The following ELP1 variants were observed in gnomAD, a reference collection of about 807,000 sequenced individuals.
ELP1 encodes the protein elongator acetyltransferase complex subunit 1, also known as elongator complex protein 1.
In ELP1, 131 loss-of-function variants were observed where a neutral mutation model predicts 183.2. That is an observed-to-expected ratio of 0.72 (90% CI 0.62 to 0.83). The LOEUF is 0.83. ELP1 is among the 40% of genes least tolerant of loss of function. ELP1 has a pLI of 0.00. For missense variants in ELP1, 1,550 were observed against 1,594.9 expected (o/e 0.97, Z 0.48); for synonymous variants, 555 against 569.0 (o/e 0.98, Z 0.35).
chr9:108,876,233 C>T (rs1379616427), intron 35 of ELP1, among the ~76,000 whole-genome samples: 1 of 152,164 alleles, frequency 6.6e-6, no homozygotes, highest in African/African-American at 2.4e-5. Context: ...GCGGTGATCA[C>T]TGCACTCCAG....
At chr9:108,923,404 T>C (rs1381178893) in intron 5 of ELP1, among the ~76,000 whole-genome samples, 1 of 152,176 alleles carries the variant, frequency 6.6e-6, no homozygotes, top group Non-Finnish European at 1.5e-5. Flanking sequence ...CATTTCATAT[T>C]ATATGCAGCA....
At chr9:108,880,468 A>T (rs1827884479) in intron 31 of ELP1, among the ~76,000 whole-genome samples, 1 of 151,622 alleles carries the variant, frequency 6.6e-6, no homozygotes, top group Admixed American at 6.6e-5. Context: ...CAAAACAAAC[A>T]AACAAAAAAA....
intron 22 of ELP1, 77 bp downstream of exon 22, chr9:108,898,425 C>T: frequency 1.1e-6 from 1 of 934,384 alleles, no homozygotes; most frequent in Admixed American, 2.4e-5. Context: ...TCTTCTCTAG[C>T]TATTTATGCT....
rs2132025571 is a variant in ELP1 at position 108,916,435 on chromosome 9, A to G, written c.865-138T>C. 7 of 729,640 alleles carry G rather than the reference A, an allele frequency of 9.6e-6. No homozygotes were observed. In the East Asian group the frequency reaches 1.5e-4, roughly 16 times the overall value. The allele number at this position is 729,640 out of a possible 1,614,324, so 45.2% of individuals were successfully genotyped here. A position where few individuals can be genotyped will look rare whatever the true frequency, so the allele number is the denominator to read the frequency against. ...CCCTAGCTGTAAATCACTAACCTAC[A>G]GAGGCATTAAACAAATCTGTAAAAT... On this transcript the variant is annotated intron_variant, in intron 9 of 36. Transcript: ENST00000374647.
rs1431007165 is a variant in ELP1 at position 108,898,529 on chromosome 9, T to C, written c.2336A>G (p.His779Arg). Reference protein sequence around the residue: ...TFIKQIDSVNHINLFFTELKE... With the variant: ...TFIKQIDSVNRINLFFTELKE... Reference sequence around the variant, plus strand: ...CAATTCTGTAAAAAACAAGTTAATATGATTCACAGAATCTATCTGTTTAAT... The same window carrying C: ...CAATTCTGTAAAAAACAAGTTAATACGATTCACAGAATCTATCTGTTTAAT... The change falls in exon 22 of 37, where the codon CAT (histidine) becomes CGT (arginine). Residue 779 changes from histidine (H) to arginine (R), a missense_variant. Coordinates refer to ENST00000374647, the MANE Select transcript of ELP1 (RefSeq NM_003640.5). The C allele has an allele frequency of 1.9e-6, 3 of 1,591,530 alleles. No individual in the cohort carries two copies. The Admixed American group carries it at 5.0e-5, about 27-fold the overall frequency.
intron 28 of ELP1, among the ~76,000 whole-genome samples, chr9:108,890,974 T>C (rs889517669): frequency 1.3e-5 from 2 of 152,166 alleles, no homozygotes; most frequent in African/African-American, 4.8e-5. Context: ...GAAGGGCCTA[T>C]AAATCCCTAT....
At chr9:108,914,168 G>A (rs1233702143) in intron 10 of ELP1, among the ~76,000 whole-genome samples, 4 of 152,022 alleles carry the variant, frequency 2.6e-5, no homozygotes, top group African/African-American at 7.2e-5. Flanking sequence ...TTGGGAGGCC[G>A]AGACGGGCAG....
chr9:108,908,406 TG>T lies in ELP1; in HGVS notation c.1361-3del. On this transcript the variant is annotated splice_polypyrimidine_tract_variant and splice_region_variant and intron_variant, in intron 12 of 36. Coordinates refer to ENST00000374647, the MANE Select transcript of ELP1 (RefSeq NM_003640.5). ...TAGGGTCAGCACTTGGACAATCACC[TG>T]GAAAACAAAAATGCAAATATTATCA... 1 of 1,611,974 alleles carries T rather than the reference TG, an allele frequency of 6.2e-7. No homozygotes were observed. The highest frequency in any genetic ancestry group is 8.5e-7 in the Non-Finnish European group (1 of 1,178,090).
At chr9:108,905,922 T>C (rs375945641) in intron 14 of ELP1, among the ~76,000 whole-genome samples, 11 of 151,934 alleles carry the variant, frequency 7.2e-5, no homozygotes, top group African/African-American at 2.7e-4. Context: ...ACTGCATTTA[T>C]ACAAAATTTC....
rs758112773 is a variant in ELP1, at chr9:108,893,080, G to C, written c.2864C>G (p.Pro955Arg). The change falls in exon 27 of 37, where the codon CCT becomes CGT. Residue 955 changes from proline to arginine, a missense_variant. Pro to Arg is a moderately radical substitution (Grantham distance 103, BLOSUM62 -2). Coordinates refer to ENST00000374647, the MANE Select transcript of ELP1 (RefSeq NM_003640.5). ...KAIGHLSKCG[P>R]EYFPECLNLI... Reference sequence around the variant, plus strand: ...GTTTAAGCATTCTGGGAAGTACTCAGGTCCTGCAGGAAAAAGATTCACACA... The same window carrying C: ...GTTTAAGCATTCTGGGAAGTACTCACGTCCTGCAGGAAAAAGATTCACACA... The C allele has an allele frequency of 6.2e-7, 1 of 1,609,188 alleles. No homozygotes were observed. The highest frequency in any genetic ancestry group is 1.3e-5 in the African/African-American group (1 of 74,902).
At chr9:108,888,876 A>G (rs549231525) in intron 29 of ELP1, among the ~76,000 whole-genome samples, 1 of 152,250 alleles carries the variant, frequency 6.6e-6, no homozygotes, top group Non-Finnish European at 1.5e-5. Context: ...CTATAATACT[A>G]CCAAATGCTC....
At chr9:108,908,849 A>G (rs1240994620) in intron 12 of ELP1, among the ~76,000 whole-genome samples, 1 of 152,176 alleles carries the variant, frequency 6.6e-6, no homozygotes, top group Non-Finnish European at 1.5e-5. Flanking sequence ...TCTCACTCGG[A>G]GTAAAAGCCG....
intron 26 of ELP1, 34 bp from the exon 27 acceptor site, chr9:108,893,117 A>C (rs1406153729): frequency 8.3e-6 from 12 of 1,442,890 alleles, no homozygotes; most frequent in Non-Finnish European, 1.2e-5. Flanking sequence ...AGACAGGCTT[A>C]AGACATGGGA....
chr9:108,907,501 A>G (rs891467271), intron 13 of ELP1, among the ~76,000 whole-genome samples: 1 of 152,238 alleles, frequency 6.6e-6, no homozygotes, highest in African/African-American at 2.4e-5. Context: ...ACATATATTT[A>G]AGAAACATTA....
rs778838812 is a variant in ELP1, at chr9:108,918,855, T to A, written c.696A>T (p.Ser232=). The part of the protein sequence containing the change: ...RVWNREFALQ[S]TSEPVAGLGP... ...CCAGTCCTGCCACAGGCTCACTGGT[T>A]GACTGCAAAGCAAACTCTCGGTTCC... is the stretch of plus-strand genomic sequence containing the variant. The change falls in exon 8 of 37, where the codon TCA becomes TCT. Residue 232 remains serine (S), a synonymous_variant. Coordinates refer to ENST00000374647, the MANE Select transcript of ELP1 (RefSeq NM_003640.5). 2 of 1,614,178 alleles carry A rather than the reference T, an allele frequency of 1.2e-6. No individual in the cohort carries two copies.
chr9:108,894,025 T>C lies in ELP1; in HGVS notation c.2778A>G (p.Lys926=), dbSNP rs751179612. 63 of 1,575,750 alleles carry C rather than the reference T, an allele frequency of 4.0e-5. No individual in the cohort carries two copies. The highest frequency in any genetic ancestry group is 5.0e-5 in the Non-Finnish European group (57 of 1,145,676). ...EYLPFLNTLK[K]METNYQRFTI... ...TAAACCGCTGATAATTAGTTTCCAT[T>C]TTCTTAAGTGTATTAAGAAATGGAA... The change falls in exon 26 of 37, where the codon AAA becomes AAG. Residue 926 remains lysine, a synonymous_variant. Transcript: ENST00000374647.
intron 35 of ELP1, chr9:108,875,552 C>A: frequency 3.3e-6 from 1 of 298,578 alleles, no homozygotes; most frequent in South Asian, 2.9e-5. Context: ...CCTGCACATA[C>A]CACAACCATA....
Position 108,898,568 on chromosome 9 carries a change from T to G in ELP1, c.2297A>C (p.Asn766Thr). Residue 766 changes from asparagine to threonine, a missense_variant, in exon 22 of 37, where the codon AAT becomes ACT. By Grantham distance (65) the Asn-to-Thr change is moderately conservative. Transcript: ENST00000374647. ...TATCTGTTTAATGAAGGTTTCCACA[T>G]TTCCAAGAAACACCTACCAAAAAAA... ...YDHNPKVFLG[N>T]VETFIKQIDS... 1 of 1,607,608 alleles carries G rather than the reference T, an allele frequency of 6.2e-7. No individual in the cohort carries two copies. Among genetic ancestry groups the G allele is most frequent in the Non-Finnish European group, 8.5e-7 (1 of 1,174,882 alleles).
intron 9 of ELP1, among the ~76,000 whole-genome samples, 188 bp downstream of exon 9, chr9:108,917,359 C>T (rs749610592): frequency 1.7e-4 from 26 of 151,418 alleles, no homozygotes; most frequent in African/African-American, 4.6e-4. Context: ...CCCAGCTACT[C>T]GGGAGGCTGA....
Sources: gnomAD v4.1 joint callset for allele counts (sites outside exome capture counted in the v4.1 genomes callset) on GRCh38, gnomAD v4.1.1 for gene constraint, MANE v1.5 for transcripts, NCBI Gene and HGNC (gene_info 2026-07-23, HGNC 2026-07-21) for gene names.